Variants in CNTN1 observed in about 807,000 individuals in gnomAD.
CNTN1 encodes contactin 1.
In CNTN1, 38 loss-of-function variants were observed where a neutral mutation model predicts 126.4. The observed-to-expected ratio is 0.30, with a 90% CI of 0.23 to 0.39. The LOEUF is 0.39. Ranked by LOEUF, CNTN1 falls within the 10% of genes least tolerant of loss-of-function variation. The probability of loss-of-function intolerance (pLI) is 1.00; values close to 1 mark genes in which losing one functional copy is unlikely to be tolerated. For synonymous variants in CNTN1, 413 were observed against 422.6 expected (o/e 0.98, Z 0.28); for missense variants, 1,009 against 1,248.4 (o/e 0.81, Z 2.89).
chr12:41,033,222 A>G (rs1949183371), intron 23 of CNTN1, among the ~76,000 whole-genome samples: 1 of 152,226 alleles, frequency 6.6e-6, no homozygotes, highest in Non-Finnish European at 1.5e-5. Context: ...GTGCATATCA[A>G]GGCAAATGTA....
intron 14 of CNTN1, among the ~76,000 whole-genome samples, 183 bp downstream of exon 14, chr12:40,944,353 G>A (rs1946364790): frequency 6.6e-6 from 1 of 151,986 alleles, no homozygotes; most frequent in East Asian, 1.9e-4. Context: ...TTTCTAAAAT[G>A]GCTAGCCCTG....
intron 1 of CNTN1, among the ~76,000 whole-genome samples, chr12:40,806,076 T>C (rs1405499391): frequency 1.3e-5 from 2 of 152,168 alleles, no homozygotes; most frequent in African/African-American, 2.4e-5. Context: ...AGAGGTAGAA[T>C]GCTGTTGCTT....
intron 1 of CNTN1, among the ~76,000 whole-genome samples, chr12:40,764,594 CT>C (rs770178236): frequency 6.6e-5 from 10 of 152,262 alleles, no homozygotes; most frequent in South Asian, 2.1e-4. Flanking sequence ...AGATTTACTT[CT>C]CAAAAGTGCA....
intron 17 of CNTN1, among the ~76,000 whole-genome samples, chr12:41,003,579 C>CTT (rs34754093): frequency 1.4e-5 from 2 of 141,690 alleles, no homozygotes; most frequent in Admixed American, 1.4e-4. Flanking sequence ...TGGTCCTGGG[C>CTT]TTTTTTTTTT....
chr12:40,937,962 C>T (rs1439803966), intron 11 of CNTN1, among the ~76,000 whole-genome samples: 3 of 152,090 alleles, frequency 2.0e-5, no homozygotes, highest in Admixed American at 1.3e-4. Flanking sequence ...CCAGGCTCAC[C>T]CCAGACCTAC....
At chr12:40,693,067 G>A (rs898844023) in intron 1 of CNTN1, among the ~76,000 whole-genome samples, 1 of 152,202 alleles carries the variant, frequency 6.6e-6, no homozygotes, top group African/African-American at 2.4e-5. Flanking sequence ...GGAAAACCTG[G>A]GAGCGGTTGC....
At chr12:40,865,133 T>C (rs1272936166) in intron 1 of CNTN1, among the ~76,000 whole-genome samples, 1 of 152,210 alleles carries the variant, frequency 6.6e-6, no homozygotes, top group Non-Finnish European at 1.5e-5. Flanking sequence ...ATTGTCCATC[T>C]GTGTATCTTC....
At chr12:40,915,246 C>T (rs559412042) in intron 3 of CNTN1, among the ~76,000 whole-genome samples, 4 of 152,144 alleles carry the variant, frequency 2.6e-5, no homozygotes, top group South Asian at 4.2e-4. Flanking sequence ...TATTTGAAGG[C>T]GCCAAGCAGT....
At chr12:41,001,625 G>T (rs1319258213) in intron 17 of CNTN1, among the ~76,000 whole-genome samples, 1 of 152,070 alleles carries the variant, frequency 6.6e-6, no homozygotes, top group Admixed American at 6.5e-5. Context: ...GCCAATTTTT[G>T]CTATTGTTAC....
At chr12:40,991,853 A>C (rs1319299289) in intron 16 of CNTN1, among the ~76,000 whole-genome samples, 1 of 152,166 alleles carries the variant, frequency 6.6e-6, no homozygotes, top group African/African-American at 2.4e-5. Context: ...ACAAACAAAC[A>C]AAAAGGCTAC....
intron 1 of CNTN1, among the ~76,000 whole-genome samples, chr12:40,771,572 A>G (rs938226201): frequency 6.6e-6 from 1 of 152,086 alleles, no homozygotes; most frequent in South Asian, 2.1e-4. Context: ...AAAGTCCTCA[A>G]TTCAGGATTA....
At chr12:40,862,610 G>A (rs896974216) in intron 1 of CNTN1, among the ~76,000 whole-genome samples, 7 of 152,078 alleles carry the variant, frequency 4.6e-5, no homozygotes, top group African/African-American at 9.7e-5. Context: ...ACACAGAGGC[G>A]AGATTCTTTG....
rs138716149 is a variant in CNTN1 at position 41,037,336 on chromosome 12, T to C, written c.2980+8117T>C. Among the ~76,000 whole-genome samples the C allele has an allele frequency of 2.6e-5, 4 of 152,264 alleles. No homozygotes were observed. The East Asian group carries it at 7.7e-4, about 29-fold the overall frequency. The stretch of plus-strand genomic sequence containing the variant: ...TACCACATATAAGATGGTGGTCCCA[T>C]AAGATTATAATTCTACACTTTTGCT... On this transcript the variant is annotated intron_variant, in intron 23 of 23. Transcript: ENST00000551295.
intron 17 of CNTN1, among the ~76,000 whole-genome samples, chr12:41,012,576 T>C (rs887822889): frequency 6.6e-6 from 1 of 152,140 alleles, no homozygotes; most frequent in South Asian, 2.1e-4. Flanking sequence ...CCAGGACTCC[T>C]TCCAGCCCCA....
At chr12:40,931,000 A>G (rs1170587788) in intron 7 of CNTN1, among the ~76,000 whole-genome samples, 5 of 151,722 alleles carry the variant, frequency 3.3e-5, no homozygotes, top group African/African-American at 9.7e-5. Context: ...CAGCACTTCT[A>G]TTTATTTTCT....
chr12:40,925,569 ACG>A (rs1481377911), intron 6 of CNTN1, among the ~76,000 whole-genome samples: 2 of 143,246 alleles, frequency 1.4e-5, no homozygotes, highest in Admixed American at 7.1e-5. Context: ...ACGTATATAT[ACG>A]TATATACGTA....
At chr12:40,762,894 C>A (rs1938920242) in intron 1 of CNTN1, among the ~76,000 whole-genome samples, 1 of 152,198 alleles carries the variant, frequency 6.6e-6, no homozygotes, top group African/African-American at 2.4e-5. Flanking sequence ...TTGTCCCCTC[C>A]AAATCTCATG....
At chr12:41,034,008 C>T (rs1475113228) in intron 23 of CNTN1, among the ~76,000 whole-genome samples, 1 of 151,878 alleles carries the variant, frequency 6.6e-6, no homozygotes. Flanking sequence ...TGAGATTGAG[C>T]CACTGCACTC....
chr12:41,046,938 A>T (rs1027348301), intron 23 of CNTN1, among the ~76,000 whole-genome samples: 1 of 151,004 alleles, frequency 6.6e-6, no homozygotes, highest in Non-Finnish European at 1.5e-5. Context: ...TTCATATTGA[A>T]AACAACTGCC....
Sources: gnomAD v4.1 joint callset for allele counts (sites outside exome capture counted in the v4.1 genomes callset) on GRCh38, gnomAD v4.1.1 for gene constraint, MANE v1.5 for transcripts, NCBI Gene and HGNC (gene_info 2026-07-23, HGNC 2026-07-21) for gene names.